Variants in NEB observed in about 807,000 individuals in gnomAD.
NEB encodes nemaline myopathy type 2.
Under a neutral mutation model 952.2 loss-of-function variants are expected in NEB, and 512 were observed. The observed-to-expected ratio is 0.54, with a 90% CI of 0.50 to 0.58. The LOEUF (loss-of-function observed/expected upper bound fraction) is 0.58. NEB is among the 20% of genes least tolerant of loss of function. The probability of loss-of-function intolerance (pLI) is 0.00; values close to 1 mark genes in which losing one functional copy is unlikely to be tolerated. For missense variants in NEB, 8,428 were observed against 9,231.1 expected (o/e 0.91, Z 3.56); for synonymous variants, 2,900 against 3,149.8 (o/e 0.92, Z 2.66).
intron 47 of NEB, among the ~76,000 whole-genome samples, chr2:151,658,741 C>T (rs536700837): frequency 3.0e-4 from 45 of 152,264 alleles, no homozygotes; most frequent in African/African-American, 1.0e-3. Flanking sequence ...TGTCTAAGAA[C>T]GAAATTCTAG....
rs112916919 is a variant in NEB, at chr2:151,491,629, T to C, written c.25150+54A>G. ...CAGAGCCCAAATGAAAGTCATTGAC[T>C]CTAGCATACTAAATGGTGATGTTTA... On this transcript the variant is annotated intron_variant, in intron 179 of 181. Coordinates refer to ENST00000397345, the MANE Select transcript of NEB (RefSeq NM_001164508.2). 3,633 of 1,381,304 alleles carry C rather than the reference T, an allele frequency of 2.6e-3. 75 individuals carry two copies. In the African/African-American group the frequency reaches 0.045, roughly 17 times the overall value. The allele number at this position is 1,381,304 out of a possible 1,614,324, so 85.6% of individuals were successfully genotyped here. A position where few individuals can be genotyped will look rare whatever the true frequency, so the allele number is the denominator to read the frequency against.
At chr2:151,694,868 T>A (rs1553602208) in intron 18 of NEB, among the ~76,000 whole-genome samples, 1 of 152,210 alleles carries the variant, frequency 6.6e-6, no homozygotes, top group Non-Finnish European at 1.5e-5. Context: ...TTCTAGCTAT[T>A]ATACTCATAT....
chr2:151,492,585 G>T, intron 176 of NEB, 91 bp from the exon 177 acceptor site: 1 of 943,846 alleles, frequency 1.1e-6, no homozygotes, highest in Non-Finnish European at 1.6e-6. Flanking sequence ...AGGAGCTGGT[G>T]AGGGACGCTT....
At chr2:151,530,015 C>T (rs545320389) in intron 145 of NEB, among the ~76,000 whole-genome samples, 11 of 152,222 alleles carry the variant, frequency 7.2e-5, no homozygotes, top group South Asian at 2.1e-4. Context: ...TTCTGTGCTC[C>T]GGCAGTTATA....
chr2:151,490,116 T>C (rs1432081454), intron 180 of NEB, 39 bp from the exon 181 acceptor site: 3 of 1,466,952 alleles, frequency 2.0e-6, no homozygotes, highest in Non-Finnish European at 2.8e-6. Flanking sequence ...AGAAGAAAAA[T>C]GGCTAGGTAT....
intron 144 of NEB, among the ~76,000 whole-genome samples, 182 bp downstream of exon 144, chr2:151,531,610 C>T (rs2153498423): frequency 6.6e-6 from 1 of 152,290 alleles, no homozygotes; most frequent in Admixed American, 6.5e-5. Flanking sequence ...AGCCACCACG[C>T]CCGGCCACAA....
At chr2:151,640,304 G>C (rs545299279) in intron 61 of NEB, 51 bp downstream of exon 61, 1 of 1,590,550 alleles carries the variant, frequency 6.3e-7, no homozygotes, top group South Asian at 1.1e-5. Flanking sequence ...TCTCCAAGGG[G>C]TGTTAAATAA....
At chr2:151,711,458 C>G (rs905642322) in intron 10 of NEB, among the ~76,000 whole-genome samples, 1 of 152,198 alleles carries the variant, frequency 6.6e-6, no homozygotes, top group Non-Finnish European at 1.5e-5. Context: ...TCTGGTATAC[C>G]TTTAAGAGAA....
At chr2:151,625,502 C>T in intron 71 of NEB, 32 bp downstream of exon 71, 3 of 1,479,558 alleles carry the variant, frequency 2.0e-6, no homozygotes, top group South Asian at 2.5e-5. Flanking sequence ...ATCAATGTGG[C>T]CAGACCAAAG....
At chr2:151,560,570 G>A (rs773022751) in intron 124 of NEB, 22 bp downstream of exon 124, 1 of 1,562,564 alleles carries the variant, frequency 6.4e-7, no homozygotes, top group Non-Finnish European at 8.8e-7. Context: ...TGGGAAAGCT[G>A]TCATGTTTTT....
At position 151,547,344 on chromosome 2, in the gene NEB, C is replaced by T. The variant is rs532330829; in HGVS notation, c.20367+85G>A. 1.9e-5 allele frequency: 20 copies of T among 1,069,070 alleles called. No individual in the cohort carries two copies. In the African/African-American group the frequency reaches 3.0e-4, roughly 16 times the overall value. 66.2% of individuals were successfully genotyped at this position (1,069,070 alleles called of 1,614,324 possible). Reference sequence around the variant, plus strand: ...GAAGTGCTTATCAGAAAAGGCTGTTCAAAGACCACTGGTTGTTTTAACTGC... The same window carrying T: ...GAAGTGCTTATCAGAAAAGGCTGTTTAAAGACCACTGGTTGTTTTAACTGC... On this transcript the variant is annotated intron_variant, in intron 133 of 181. Coordinates refer to ENST00000397345, the MANE Select transcript of NEB (RefSeq NM_001164508.2).
intron 116 of NEB, 121 bp from the exon 117 acceptor site, chr2:151,565,269 G>C: frequency 1.5e-6 from 1 of 672,048 alleles, no homozygotes; most frequent in Non-Finnish European, 2.5e-6. Context: ...TTGAATTTTA[G>C]CCCATTTTAG....
chr2:151,508,993 A>T (rs754614002), intron 161 of NEB, among the ~76,000 whole-genome samples: 1 of 152,194 alleles, frequency 6.6e-6, no homozygotes, highest in Non-Finnish European at 1.5e-5. Flanking sequence ...ACTTAGCTCC[A>T]GTTTTTCCCA....
intron 9 of NEB, 73 bp downstream of exon 9, chr2:151,723,309 A>G: frequency 1.0e-6 from 1 of 998,982 alleles, no homozygotes; most frequent in East Asian, 2.6e-5. Context: ...TGCAGTGACC[A>G]TCTGGCCAGA....
chr2:151,653,867 GT>G (rs1296813943), intron 52 of NEB, 124 bp downstream of exon 52: 1 of 604,054 alleles, frequency 1.7e-6, no homozygotes, highest in Non-Finnish European at 2.9e-6. Flanking sequence ...AATGAAGAGG[GT>G]AGGAGAAAAT....
chr2:151,533,568 A>T, intron 142 of NEB, 22 bp from the exon 143 acceptor site: 1 of 1,467,276 alleles, frequency 6.8e-7, no homozygotes, highest in Non-Finnish European at 9.3e-7. Context: ...AAGAGCAGTG[A>T]AGCACAAAAG....
intron 156 of NEB, among the ~76,000 whole-genome samples, chr2:151,517,209 T>A (rs1042141590): frequency 1.3e-5 from 2 of 152,212 alleles, no homozygotes; most frequent in Admixed American, 6.5e-5. Context: ...CTCATCCTCA[T>A]AACATGTGGT....
At position 151,570,357 on chromosome 2, in the gene NEB, T is replaced by C; in HGVS notation, c.17154A>G (p.Gly5718=). 1.3e-6 allele frequency: 2 copies of C among 1,590,372 alleles called. No individual in the cohort carries two copies. Among genetic ancestry groups the C allele is most frequent in the Non-Finnish European group, 8.6e-7 (1 of 1,167,226 alleles). ...TGGCTGTGAGGGTGCCCACGTAGTG[T>C]CCCTTCTGCTTCTCATGGTCAAGCT... ...KYKLDHEKQK[G]HYVGTLTARD... is the part of the protein sequence containing the mutation. Residue 5718 remains glycine, a synonymous_variant, in exon 109 of 182, where the codon GGA becomes GGG. Coordinates refer to ENST00000397345, the MANE Select transcript of NEB (RefSeq NM_001164508.2).
At chr2:151,661,727 T>C (rs1246564456) in intron 46 of NEB, among the ~76,000 whole-genome samples, 1 of 152,202 alleles carries the variant, frequency 6.6e-6, no homozygotes, top group Non-Finnish European at 1.5e-5. Context: ...TACAGGCATG[T>C]AATCTTGGAC....
Sources: gnomAD v4.1 joint callset for allele counts (sites outside exome capture counted in the v4.1 genomes callset) on GRCh38, gnomAD v4.1.1 for gene constraint, MANE v1.5 for transcripts, NCBI Gene and HGNC (gene_info 2026-07-23, HGNC 2026-07-21) for gene names.